The following DACH2 variants were observed in gnomAD, a reference collection of about 807,000 sequenced individuals.
DACH2 encodes dachshund family transcription factor 2, also known as dachshund homolog 2.
A neutral mutation model predicts 35.8 loss-of-function variants in DACH2; 17 were observed. That is an observed-to-expected ratio of 0.48 (90% CI 0.33 to 0.71). DACH2 has a LOEUF of 0.71. Among genes scored for constraint, DACH2 ranks in the 30% least tolerant of loss-of-function variants. DACH2 has a pLI of 0.02. For synonymous variants in DACH2, 195 were observed against 177.3 expected (o/e 1.10, Z -0.79); for missense variants, 469 against 472.7 (o/e 0.99, Z 0.07).
intron 7 of DACH2, among the ~76,000 whole-genome samples, chrX:86,780,250 A>G (rs2042077572): frequency 9.0e-6 from 1 of 110,638 alleles, no homozygotes; most frequent in Admixed American, 9.7e-5. Flanking sequence ...TGAGAAAGAA[A>G]CAGCACCAGA....
At chrX:86,670,813 C>T (rs1019401336) in intron 4 of DACH2, among the ~76,000 whole-genome samples, 7 of 111,929 alleles carry the variant, frequency 6.3e-5, no homozygotes, top group Non-Finnish European at 1.3e-4. Context: ...TATGTTGACT[C>T]TTTTTAAAAT....
At chrX:86,470,450 G>A (rs773302108) in intron 2 of DACH2, among the ~76,000 whole-genome samples, 1 of 111,542 alleles carries the variant, frequency 9.0e-6, no homozygotes, top group South Asian at 3.7e-4. Flanking sequence ...GATCCTTGAG[G>A]ATAAATCATA....
At chrX:86,482,576 G>T (rs927249501) in intron 2 of DACH2, among the ~76,000 whole-genome samples, 2 of 108,253 alleles carry the variant, frequency 1.8e-5, no homozygotes, top group Non-Finnish European at 3.8e-5. Flanking sequence ...TGGGTCAAAT[G>T]GTATTTCTAG....
At chrX:86,186,408 C>T (rs1315652206) in intron 1 of DACH2, among the ~76,000 whole-genome samples, 2 of 111,880 alleles carry the variant, frequency 1.8e-5, no homozygotes, top group African/African-American at 6.5e-5. Context: ...TTTTGAAAGT[C>T]ACTTATTTAT....
chrX:86,455,834 T>A (rs2037465291), intron 2 of DACH2, among the ~76,000 whole-genome samples: 2 of 112,186 alleles, frequency 1.8e-5, no homozygotes, highest in Non-Finnish European at 3.8e-5. Flanking sequence ...GGATTCAGCC[T>A]CCTTTCTAGG....
intron 1 of DACH2, among the ~76,000 whole-genome samples, chrX:86,279,500 G>A (rs182363766): frequency 1.0e-3 from 116 of 111,266 alleles, no homozygotes; most frequent in African/African-American, 3.4e-3. Flanking sequence ...CGACGCAAAG[G>A]ACGTCCACAC....
chrX:86,419,994 T>G lies in DACH2; in HGVS notation c.527+43132T>G, dbSNP rs1009339127. Among the ~76,000 whole-genome samples, 3 of 111,900 alleles carry G rather than the reference T, an allele frequency of 2.7e-5. No homozygotes were observed. In the Admixed American group the frequency reaches 2.8e-4, roughly 11 times the overall value. On this transcript the variant is annotated intron_variant, in intron 2 of 11. Coordinates refer to ENST00000373125, the MANE Select transcript of DACH2 (RefSeq NM_053281.3). ...GTATGCTCAGATAAAAAAATTAAAC[T>G]AGTATGCACGTTGAAGCGTTATTGT...
At chrX:86,310,638 C>A (rs999385546) in intron 1 of DACH2, among the ~76,000 whole-genome samples, 1 of 111,464 alleles carries the variant, frequency 9.0e-6, no homozygotes, top group Non-Finnish European at 1.9e-5. Flanking sequence ...GCCAGATATG[C>A]GATTATATAC....
chrX:86,674,353 T>G (rs776851039), intron 4 of DACH2, among the ~76,000 whole-genome samples: 24 of 112,678 alleles, frequency 2.1e-4, no homozygotes, highest in African/African-American at 7.1e-4. Context: ...TACTAGCCAC[T>G]GGGCTCAAGA....
intron 4 of DACH2, among the ~76,000 whole-genome samples, chrX:86,651,899 T>C (rs143457766): frequency 0.037 from 4,134 of 111,585 alleles, 195 homozygotes; most frequent in African/African-American, 0.13. Flanking sequence ...CAATGGATGA[T>C]GGAAGGATGG....
At chrX:86,391,211 G>T (rs909878899) in intron 2 of DACH2, among the ~76,000 whole-genome samples, 1 of 91,454 alleles carries the variant, frequency 1.1e-5, no homozygotes, top group Non-Finnish European at 2.1e-5. Context: ...AACCCAGCAG[G>T]CAGAGGTTGC....
chrX:86,551,709 A>G (rs1389799405), intron 3 of DACH2, among the ~76,000 whole-genome samples: 1 of 111,838 alleles, frequency 8.9e-6, no homozygotes, highest in Non-Finnish European at 1.9e-5. Flanking sequence ...TTGTGTTGAT[A>G]TTTTCTTTTC....
intron 1 of DACH2, among the ~76,000 whole-genome samples, chrX:86,273,041 G>A (rs1027376240): frequency 9.0e-6 from 1 of 111,330 alleles, no homozygotes; most frequent in Non-Finnish European, 1.9e-5. Context: ...AACCAAATGG[G>A]AGACATGCAA....
At chrX:86,722,740 T>C (rs2041421530) in intron 6 of DACH2, among the ~76,000 whole-genome samples, 1 of 111,655 alleles carries the variant, frequency 9.0e-6, no homozygotes, top group South Asian at 3.7e-4. Flanking sequence ...TGACTTAATT[T>C]ATTAATATTT....
chrX:86,610,248 C>T (rs2039912418), intron 3 of DACH2, among the ~76,000 whole-genome samples: 1 of 111,240 alleles, frequency 9.0e-6, no homozygotes, highest in Admixed American at 9.5e-5. Context: ...ACCTCAGCCC[C>T]ATGTATATAG....
intron 7 of DACH2, among the ~76,000 whole-genome samples, chrX:86,793,013 T>A (rs2042201397): frequency 9.0e-6 from 1 of 111,698 alleles, no homozygotes; most frequent in Admixed American, 9.6e-5. Flanking sequence ...TTCCCTTTTC[T>A]CCACATCTTC....
intron 1 of DACH2, among the ~76,000 whole-genome samples, chrX:86,282,490 A>G (rs1333509003): frequency 1.8e-5 from 2 of 111,557 alleles, no homozygotes; most frequent in African/African-American, 6.5e-5. Context: ...TACACCTTAT[A>G]TAAAAATTAA....
chrX:86,718,997 T>C (rs1367307187), intron 6 of DACH2, among the ~76,000 whole-genome samples: 5 of 112,323 alleles, frequency 4.5e-5, no homozygotes, highest in African/African-American at 1.6e-4. Flanking sequence ...GAGGATAGTA[T>C]TTTCTATTTC....
chrX:86,262,101 C>T (rs2033636626), intron 1 of DACH2, among the ~76,000 whole-genome samples: 1 of 99,363 alleles, frequency 1.0e-5, no homozygotes, highest in African/African-American at 4.0e-5. Flanking sequence ...TTCAACATGG[C>T]AAGATCCCAT....
Sources: allele counts gnomAD v4.1 joint callset (sites outside exome capture counted in the v4.1 genomes callset), GRCh38; gene constraint gnomAD v4.1.1; transcripts MANE v1.5; gene names NCBI Gene and HGNC (gene_info 2026-07-23, HGNC 2026-07-21).